Variants in METTL24 observed in about 807,000 individuals in gnomAD.
The protein encoded by METTL24 is probable methyltransferase-like protein 24.
Under a neutral mutation model 32.7 loss-of-function variants are expected in METTL24, and 29 were observed. The observed-to-expected ratio is 0.89, with a 90% confidence interval of 0.66 to 1.21. The LOEUF (loss-of-function observed/expected upper bound fraction) is 1.21. METTL24 is among the 50% of genes most tolerant of loss of function. The probability of loss-of-function intolerance (pLI) is 0.00; values close to 1 mark genes in which losing one functional copy is unlikely to be tolerated. For synonymous variants in METTL24, 163 were observed against 179.5 expected, an observed-to-expected ratio of 0.91 and a Z score of 0.73; for missense variants, 439 against 468.1, an observed-to-expected ratio of 0.94 and a Z score of 0.57.
intron 4 of METTL24, among the ~76,000 whole-genome samples, chr6:110,280,069 T>C (rs879668202): frequency 2.6e-5 from 4 of 152,114 alleles, no homozygotes; most frequent in African/African-American, 9.7e-5. Context: ...AACTCACTAT[T>C]GCGAGGACAG....
chr6:110,328,842 A>C (rs1017031195), intron 1 of METTL24, among the ~76,000 whole-genome samples: 6 of 152,214 alleles, frequency 3.9e-5, no homozygotes, highest in Non-Finnish European at 8.8e-5. Context: ...TGTGTTATGC[A>C]AAAGCTTTCT....
At chr6:110,319,715 T>C (rs1771896747) in intron 2 of METTL24, among the ~76,000 whole-genome samples, 1 of 151,140 alleles carries the variant, frequency 6.6e-6, no homozygotes, top group South Asian at 2.1e-4. Flanking sequence ...TCTTTCACAT[T>C]GAAAAAAAAA....
intron 3 of METTL24, among the ~76,000 whole-genome samples, chr6:110,314,792 T>C (rs1771787721): frequency 6.6e-6 from 1 of 151,988 alleles, no homozygotes; most frequent in Non-Finnish European, 1.5e-5. Flanking sequence ...CAAAACCCTG[T>C]CTCTACCAAA....
intron 4 of METTL24, among the ~76,000 whole-genome samples, chr6:110,282,126 A>G (rs1014521598): frequency 6.6e-6 from 1 of 152,134 alleles, no homozygotes; most frequent in African/African-American, 2.4e-5. Context: ...ATGAGTCCCA[A>G]GGGCACTAAA....
intron 1 of METTL24, among the ~76,000 whole-genome samples, chr6:110,353,939 G>GA (rs923216646): frequency 2.0e-5 from 3 of 151,520 alleles, no homozygotes; most frequent in East Asian, 1.9e-4. Flanking sequence ...ATTTAAGAAA[G>GA]AAAAAAAACC....
At chr6:110,319,937 C>T (rs1771902581) in intron 2 of METTL24, among the ~76,000 whole-genome samples, 1 of 152,162 alleles carries the variant, frequency 6.6e-6, no homozygotes, top group Non-Finnish European at 1.5e-5. Context: ...GGAAGCTTTC[C>T]CCATCCATCT....
At chr6:110,311,204 T>C (rs949190257) in intron 3 of METTL24, among the ~76,000 whole-genome samples, 1 of 152,124 alleles carries the variant, frequency 6.6e-6, no homozygotes, top group Non-Finnish European at 1.5e-5. Context: ...GCTATCTACT[T>C]GTGCCCCAGG....
rs755705111 is a variant in METTL24, at chr6:110,244,521, A to T, written c.*1425T>A. 3.3e-5 allele frequency among the ~76,000 whole-genome samples: 5 copies of T among 152,196 alleles called. No individual in the cohort carries two copies. Among genetic ancestry groups the T allele is most frequent in the Non-Finnish European group, 2.9e-5 (2 of 68,032 alleles). On this transcript the variant is annotated 3_prime_UTR_variant, in exon 5 of 5. Transcript: ENST00000338882. ...CCTGAGACTGAGTAATTTATAGAGG[A>T]AAGAGATTTAATTGACTCACAGTTT... is the stretch of plus-strand genomic sequence containing the variant.
chr6:110,244,697 C>T lies in METTL24; in HGVS notation c.*1249G>A, dbSNP rs1341214061. On this transcript the variant is annotated 3_prime_UTR_variant, in exon 5 of 5. Transcript: ENST00000338882. ...AACCATCAGATCTCATGAGAACTTA[C>T]TCAGTATCATGAGAATAGCATGGAG... Among the ~76,000 whole-genome samples, 1 of 152,114 alleles carries T rather than the reference C, an allele frequency of 6.6e-6. No homozygotes were observed. The highest frequency in any genetic ancestry group is 1.5e-5 in the Non-Finnish European group (1 of 68,014).
chr6:110,296,650 T>A (rs903452976), intron 4 of METTL24, among the ~76,000 whole-genome samples: 1 of 152,206 alleles, frequency 6.6e-6, no homozygotes, highest in Non-Finnish European at 1.5e-5. Flanking sequence ...ATAGGAAAAC[T>A]AACAGCGGAA....
chr6:110,281,998 C>T (rs190037145), intron 4 of METTL24, among the ~76,000 whole-genome samples: 2 of 152,124 alleles, frequency 1.3e-5, no homozygotes, highest in Non-Finnish European at 2.9e-5. Context: ...TAAATACTTA[C>T]ACCCAGGAGA....
chr6:110,279,416 A>G (rs1771101030), intron 4 of METTL24, among the ~76,000 whole-genome samples: 1 of 152,216 alleles, frequency 6.6e-6, no homozygotes, highest in African/African-American at 2.4e-5. Flanking sequence ...AATTACATCC[A>G]TTGGAAGAAT....
At chr6:110,276,747 C>T (rs1016951653) in intron 4 of METTL24, among the ~76,000 whole-genome samples, 2 of 152,122 alleles carry the variant, frequency 1.3e-5, no homozygotes, top group African/African-American at 4.8e-5. Flanking sequence ...TCCCAGTGCA[C>T]CTTCCTTAGG....
chr6:110,261,876 T>C (rs563261276), intron 4 of METTL24, among the ~76,000 whole-genome samples: 1 of 152,000 alleles, frequency 6.6e-6, no homozygotes, highest in South Asian at 2.1e-4. Flanking sequence ...ACTGGGTACA[T>C]AACGAAATGA....
At chr6:110,252,536 C>A (rs564778826) in intron 4 of METTL24, among the ~76,000 whole-genome samples, 112 of 152,248 alleles carry the variant, frequency 7.4e-4, no homozygotes, top group Non-Finnish European at 1.4e-3. Context: ...TTTCTTCAAC[C>A]CATAACAAAT....
chr6:110,356,226 T>C (rs1211422082), intron 1 of METTL24, among the ~76,000 whole-genome samples: 1 of 152,038 alleles, frequency 6.6e-6, no homozygotes, highest in African/African-American at 2.4e-5. Context: ...GGTGGGTCAC[T>C]TGAGGTCAGG....
intron 3 of METTL24, among the ~76,000 whole-genome samples, chr6:110,314,791 G>A (rs959177061): frequency 1.3e-5 from 2 of 151,924 alleles, no homozygotes; most frequent in African/African-American, 2.4e-5. Flanking sequence ...GCAAAACCCT[G>A]TCTCTACCAA....
intron 4 of METTL24, among the ~76,000 whole-genome samples, chr6:110,267,174 G>T (rs1185475499): frequency 6.6e-6 from 1 of 152,162 alleles, no homozygotes; most frequent in African/African-American, 2.4e-5. Flanking sequence ...AGTCCCCTCT[G>T]CTTATCATCA....
At position 110,358,153 on chromosome 6, in the gene METTL24, G is replaced by A. The variant is rs1772738238; in HGVS notation, c.120C>T (p.Ser40=). 7 of 1,188,590 alleles carry A rather than the reference G, an allele frequency of 5.9e-6. No individual in the cohort carries two copies. The South Asian group carries it at 1.2e-4, about 20-fold the overall frequency. The allele number at this position is 1,188,590 out of a possible 1,614,324, so 73.6% of individuals were successfully genotyped here. A position where few individuals can be genotyped will look rare whatever the true frequency, so the allele number is the denominator to read the frequency against. Residue 40 remains serine (S), a synonymous_variant, in exon 1 of 5, where the codon TCC becomes TCT. Coordinates refer to ENST00000338882, the MANE Select transcript of METTL24 (RefSeq NM_001123364.3). The part of the protein sequence containing the change: ...CAELRRAGPG[S]PTRSAPPGPA... ...GGCCCGGCGGGGCGCTGCGGGTGGG[G>A]GACCCGGGCCCGGCGCGCCGCAGCT... is the stretch of plus-strand genomic sequence containing the variant.
Sources: gnomAD v4.1 joint callset for allele counts (sites outside exome capture counted in the v4.1 genomes callset) on GRCh38, gnomAD v4.1.1 for gene constraint, MANE v1.5 for transcripts, NCBI Gene and HGNC (gene_info 2026-07-23, HGNC 2026-07-21) for gene names.